Variants in NRXN3 observed in about 807,000 individuals in gnomAD.
The protein encoded by NRXN3 is neurexin 3.
A neutral mutation model predicts 137.6 loss-of-function variants in NRXN3; 32 were observed. That is an observed-to-expected ratio of 0.23 (90% CI 0.18 to 0.31). The LOEUF (loss-of-function observed/expected upper bound fraction) is 0.31, where lower values mean the gene tolerates loss of function less well. NRXN3 is among the 10% of genes least tolerant of loss of function. The pLI, the probability that NRXN3 is intolerant of heterozygous loss-of-function variation, is 1.00. For missense variants in NRXN3, 1,574 were observed against 2,062.5 expected (o/e 0.76, Z 4.59); for synonymous variants, 798 against 784.5 (o/e 1.02, Z -0.29).
intron 15 of NRXN3, among the ~76,000 whole-genome samples, chr14:79,390,652 G>A (rs2094815168): frequency 6.6e-6 from 1 of 152,138 alleles, no homozygotes. Flanking sequence ...TCAAATCAGG[G>A]TGGTTATTCT....
At chr14:79,529,638 GAAACTCCA>G (rs756945733) in intron 16 of NRXN3, among the ~76,000 whole-genome samples, 1 of 152,154 alleles carries the variant, frequency 6.6e-6, no homozygotes, top group Non-Finnish European at 1.5e-5. Context: ...AATAAACTTT[GAAACTCCA>G]AAAATCTTTA....
rs569704291 is a variant in NRXN3, at chr14:78,514,797, A to T, written c.758-130323A>T. On this transcript the variant is annotated intron_variant, in intron 4 of 20. Transcript: ENST00000335750. ...ATAAGGGTCAAACACCATTGTAGAG[A>T]GGAAAATCAGGGAGGACCACTTGGG... Among the ~76,000 whole-genome samples, 26 of 152,256 alleles carry T rather than the reference A, an allele frequency of 1.7e-4. 2 individuals carry two copies. The South Asian group carries it at 5.4e-3, about 32-fold the overall frequency.
At chr14:78,234,458 G>A (rs1483907735) in intron 1 of NRXN3, among the ~76,000 whole-genome samples, 1 of 152,156 alleles carries the variant, frequency 6.6e-6, no homozygotes, top group Non-Finnish European at 1.5e-5. Flanking sequence ...GGCATGGAGT[G>A]GATAAGTGAT....
intron 3 of NRXN3, among the ~76,000 whole-genome samples, chr14:78,281,209 G>T (rs1448243887): frequency 2.6e-5 from 4 of 152,204 alleles, no homozygotes; most frequent in East Asian, 3.9e-4. Context: ...GCTGAGGTCA[G>T]TGGGGGCCTC....
intron 1 of NRXN3, among the ~76,000 whole-genome samples, chr14:78,204,680 G>T (rs974010427): frequency 6.6e-6 from 1 of 152,070 alleles, no homozygotes; most frequent in Non-Finnish European, 1.5e-5. Context: ...AGACTACAAA[G>T]GTTAATGTTA....
chr14:79,810,109 T>G (rs923388362), intron 20 of NRXN3, among the ~76,000 whole-genome samples: 11 of 152,172 alleles, frequency 7.2e-5, no homozygotes, highest in African/African-American at 2.4e-4. Flanking sequence ...AGCTTTTGTA[T>G]AATTAGATAT....
intron 8 of NRXN3, among the ~76,000 whole-genome samples, chr14:78,741,134 C>T (rs779799705): frequency 1.3e-5 from 2 of 152,186 alleles, no homozygotes; most frequent in African/African-American, 2.4e-5. Flanking sequence ...TTAGCAGTGA[C>T]TGTTGTAGGT....
At chr14:78,385,483 A>T (rs2089837319) in intron 4 of NRXN3, among the ~76,000 whole-genome samples, 1 of 152,206 alleles carries the variant, frequency 6.6e-6, no homozygotes, top group Non-Finnish European at 1.5e-5. Flanking sequence ...CTTTAAACCC[A>T]ATGAGCCAGC....
intron 10 of NRXN3, among the ~76,000 whole-genome samples, chr14:78,865,151 G>T (rs572877455): frequency 2.6e-5 from 4 of 152,000 alleles, no homozygotes; most frequent in African/African-American, 9.7e-5. Flanking sequence ...AATGTTGTGA[G>T]CTATGAAAAA....
chr14:78,872,179 ATCC>A (rs2099102937), intron 10 of NRXN3, among the ~76,000 whole-genome samples: 1 of 150,542 alleles, frequency 6.6e-6, no homozygotes, highest in Admixed American at 6.6e-5. Context: ...TTTTATAAAT[ATCC>A]TCAATTTTAT....
Position 78,201,343 on chromosome 14 carries a change from C to T in NRXN3, c.-704+30669C>T, listed in dbSNP as rs543243582. Reference sequence around the variant, plus strand: ...TCTGTGGTCAATCTCTACAAAAGGGCAGGCCCCTAACCCCATGTCTTCTCC... The same window carrying T: ...TCTGTGGTCAATCTCTACAAAAGGGTAGGCCCCTAACCCCATGTCTTCTCC... On this transcript the variant is annotated intron_variant, in intron 1 of 20. Coordinates refer to ENST00000335750, the MANE Select transcript of NRXN3 (RefSeq NM_001330195.2). Among the ~76,000 whole-genome samples the T allele has an allele frequency of 2.0e-5, 3 of 152,316 alleles. No individual in the cohort carries two copies. The South Asian group carries it at 6.2e-4, about 32-fold the overall frequency.
chr14:79,042,255 A>G (rs2099626288), intron 15 of NRXN3, among the ~76,000 whole-genome samples: 1 of 152,236 alleles, frequency 6.6e-6, no homozygotes, highest in Admixed American at 6.5e-5. Context: ...AGTACCTGCA[A>G]AACTGGAAGG....
chr14:78,912,300 G>A (rs977391150), intron 10 of NRXN3, among the ~76,000 whole-genome samples: 10 of 150,236 alleles, frequency 6.7e-5, no homozygotes, highest in African/African-American at 2.4e-4. Context: ...AAAATACCCA[G>A]AACAAATTGG....
At chr14:79,106,312 C>G (rs1187694791) in intron 15 of NRXN3, among the ~76,000 whole-genome samples, 1 of 151,932 alleles carries the variant, frequency 6.6e-6, no homozygotes, top group African/African-American at 2.4e-5. Context: ...AGAGTTGGAA[C>G]CCATGTTGGC....
rs190613330 is a variant in NRXN3 at position 79,730,566 on chromosome 14, G to C, written c.4014+32629G>C. Among the ~76,000 whole-genome samples the C allele has an allele frequency of 2.4e-4, 36 of 152,290 alleles. No homozygotes were observed. The East Asian group carries it at 5.2e-3, about 22-fold the overall frequency. ...TTCTCTATAAGATGAATTGTGGAAAGAAGTTCATTATAATAATTAAGGAAG... is the reference window on the plus strand; with the variant it reads ...TTCTCTATAAGATGAATTGTGGAAACAAGTTCATTATAATAATTAAGGAAG... On this transcript the variant is annotated intron_variant, in intron 19 of 20. Transcript: ENST00000335750.
At chr14:78,352,141 T>C (rs985520209) in intron 4 of NRXN3, among the ~76,000 whole-genome samples, 2 of 151,874 alleles carry the variant, frequency 1.3e-5, no homozygotes, top group East Asian at 1.9e-4. Flanking sequence ...TTTCTTCTAA[T>C]AGTCTTAAAG....
intron 4 of NRXN3, among the ~76,000 whole-genome samples, chr14:78,621,936 C>T (rs1212507553): frequency 6.6e-6 from 1 of 152,022 alleles, no homozygotes; most frequent in Non-Finnish European, 1.5e-5. Flanking sequence ...GGTATTAGTA[C>T]CTATTAGTAC....
intron 6 of NRXN3, among the ~76,000 whole-genome samples, chr14:78,701,635 T>C (rs1187558609): frequency 1.3e-5 from 2 of 152,234 alleles, no homozygotes; most frequent in African/African-American, 2.4e-5. Flanking sequence ...AGATCAGAGA[T>C]GGTGGCCCCA....
chr14:79,191,816 A>C (rs1406750261), intron 15 of NRXN3, among the ~76,000 whole-genome samples: 2 of 152,084 alleles, frequency 1.3e-5, no homozygotes, highest in African/African-American at 4.8e-5. Flanking sequence ...TGACCTTTCC[A>C]CTGTTATAAT....
Sources: allele counts gnomAD v4.1 joint callset (sites outside exome capture counted in the v4.1 genomes callset), GRCh38; gene constraint gnomAD v4.1.1; transcripts MANE v1.5; gene names NCBI Gene and HGNC (gene_info 2026-07-23, HGNC 2026-07-21).